The following DPYD variants were observed in gnomAD, a reference collection of about 807,000 sequenced individuals.
DPYD encodes dihydropyrimidine dehydrogenase [NADP(+)].
A neutral mutation model predicts 116.2 loss-of-function variants in DPYD; 109 were observed. The observed-to-expected ratio is 0.94, with a 90% CI of 0.80 to 1.10. The LOEUF (loss-of-function observed/expected upper bound fraction) is 1.10, where lower values mean the gene tolerates loss of function less well. Among genes scored for constraint, DPYD ranks in the 50% least tolerant of loss-of-function variants. DPYD has a pLI of 0.00. For synonymous variants in DPYD, 440 were observed against 432.0 expected, an observed-to-expected ratio of 1.02 and a Z score of -0.23; for missense variants, 1,302 against 1,254.5, an observed-to-expected ratio of 1.04 and a Z score of -0.57.
intron 21 of DPYD, among the ~76,000 whole-genome samples, chr1:97,091,643 T>C (rs1649904063): frequency 6.6e-6 from 1 of 152,166 alleles, no homozygotes; most frequent in Non-Finnish European, 1.5e-5. Context: ...GGGACTTGTA[T>C]AAAAATGACA....
chr1:97,595,228 A>G lies in DPYD; in HGVS notation c.851-62T>C, dbSNP rs534716897. Reference sequence around the variant, plus strand: ...GGAGGGGCTTTTCCTATTAGATATTAAAACAAAAAAGAAAACTTTAATCTT... The same window carrying G: ...GGAGGGGCTTTTCCTATTAGATATTGAAACAAAAAAGAAAACTTTAATCTT... On this transcript the variant is annotated intron_variant, in intron 8 of 22. Transcript: ENST00000370192. The G allele has an allele frequency of 5.2e-6, 7 of 1,345,560 alleles. No homozygotes were observed. The South Asian group carries it at 7.3e-5, about 14-fold the overall frequency. 83.4% of individuals were successfully genotyped at this position (1,345,560 alleles called of 1,614,324 possible).
intron 8 of DPYD, among the ~76,000 whole-genome samples, chr1:97,641,052 A>G (rs1265053973): frequency 6.6e-6 from 1 of 152,194 alleles, no homozygotes; most frequent in Admixed American, 6.6e-5. Context: ...TAGATGAAGG[A>G]TATGACTACC....
At chr1:97,169,037 G>A (rs1008019067) in intron 20 of DPYD, among the ~76,000 whole-genome samples, 2 of 151,792 alleles carry the variant, frequency 1.3e-5, no homozygotes, top group Admixed American at 6.6e-5. Flanking sequence ...TTGTAGAGAT[G>A]GGGTTTCACC....
intron 10 of DPYD, among the ~76,000 whole-genome samples, chr1:97,592,746 AC>A (rs904855889): frequency 8.5e-5 from 13 of 152,130 alleles, no homozygotes; most frequent in Non-Finnish European, 8.8e-5. Context: ...TATACATGAC[AC>A]CCTTTTCTTT....
At chr1:97,755,937 C>T (rs1053809790) in intron 3 of DPYD, among the ~76,000 whole-genome samples, 14 of 152,088 alleles carry the variant, frequency 9.2e-5, no homozygotes, top group Non-Finnish European at 1.9e-4. Flanking sequence ...GAAATGAGCA[C>T]TGTTTTTTAA....
At chr1:97,300,194 A>G (rs569900441) in intron 18 of DPYD, among the ~76,000 whole-genome samples, 4 of 152,238 alleles carry the variant, frequency 2.6e-5, no homozygotes, top group East Asian at 1.9e-4. Flanking sequence ...ACTTTTGTCC[A>G]TACAAAAAAA....
chr1:97,106,251 G>T (rs1031108422), intron 20 of DPYD, among the ~76,000 whole-genome samples: 2 of 152,122 alleles, frequency 1.3e-5, no homozygotes, highest in Non-Finnish European at 2.9e-5. Flanking sequence ...TTAAAAAAGG[G>T]TTCTATGGTG....
At chr1:97,194,283 G>A (rs887636317) in intron 19 of DPYD, among the ~76,000 whole-genome samples, 9 of 152,048 alleles carry the variant, frequency 5.9e-5, no homozygotes, top group Admixed American at 3.9e-4. Flanking sequence ...TGCTGTTCTC[G>A]TGATGATGAG....
At chr1:97,180,715 A>C (rs924067657) in intron 20 of DPYD, among the ~76,000 whole-genome samples, 2 of 152,196 alleles carry the variant, frequency 1.3e-5, no homozygotes, top group African/African-American at 4.8e-5. Context: ...ATATAATTAA[A>C]TAAGGTGCAT....
At chr1:97,804,338 T>C (rs1335532491) in intron 3 of DPYD, among the ~76,000 whole-genome samples, 5 of 151,678 alleles carry the variant, frequency 3.3e-5, no homozygotes, top group Non-Finnish European at 5.9e-5. Flanking sequence ...TTCTCAGAAA[T>C]AGACACGCTT....
intron 18 of DPYD, among the ~76,000 whole-genome samples, chr1:97,287,537 G>A (rs893912115): frequency 6.6e-6 from 1 of 152,178 alleles, no homozygotes; most frequent in Non-Finnish European, 1.5e-5. Context: ...CAGAGGTGGA[G>A]CCTACAGAGG....
intron 13 of DPYD, among the ~76,000 whole-genome samples, chr1:97,454,990 G>T (rs529138850): frequency 1.4e-4 from 21 of 151,894 alleles, no homozygotes; most frequent in African/African-American, 4.8e-4. Context: ...GCAAGTTCTA[G>T]AAAAATATAT....
chr1:97,439,807 C>G (rs902894335), intron 14 of DPYD, among the ~76,000 whole-genome samples: 5 of 151,656 alleles, frequency 3.3e-5, no homozygotes, highest in African/African-American at 1.2e-4. Context: ...AAATGTAGGT[C>G]ATTAACTTGA....
chr1:97,507,009 G>A (rs146049008), intron 13 of DPYD, among the ~76,000 whole-genome samples: 4 of 152,134 alleles, frequency 2.6e-5, no homozygotes, highest in African/African-American at 9.6e-5. Context: ...ACACACGAGT[G>A]TGCAAGCACA....
intron 12 of DPYD, among the ~76,000 whole-genome samples, chr1:97,527,578 A>C (rs1308441671): frequency 6.6e-6 from 1 of 152,172 alleles, no homozygotes; most frequent in Non-Finnish European, 1.5e-5. Context: ...AAAGAATAGA[A>C]ATAAAAATAC....
intron 5 of DPYD, 114 bp downstream of exon 5, chr1:97,721,396 G>T: frequency 1.6e-6 from 2 of 1,263,282 alleles, no homozygotes; most frequent in South Asian, 2.6e-5. Flanking sequence ...TACTTGAGCT[G>T]TGTGTCACAC....
intron 14 of DPYD, among the ~76,000 whole-genome samples, chr1:97,389,683 C>T (rs1354284239): frequency 6.6e-6 from 1 of 151,936 alleles, no homozygotes; most frequent in Non-Finnish European, 1.5e-5. Context: ...TTCATTTTGA[C>T]TAATTAATAC....
At chr1:97,180,255 TC>T (rs1347311614) in intron 20 of DPYD, among the ~76,000 whole-genome samples, 1 of 152,160 alleles carries the variant, frequency 6.6e-6, no homozygotes, top group African/African-American at 2.4e-5. Context: ...CTTTACATTA[TC>T]AAAATGACTC....
chr1:97,450,277 C>G (rs1358098857), intron 13 of DPYD, 54 bp from the exon 14 acceptor site: 1 of 1,588,916 alleles, frequency 6.3e-7, no homozygotes, highest in African/African-American at 1.3e-5. Context: ...AAGCTATAAT[C>G]TTTATTATCT....
Sources: gnomAD v4.1 joint callset for allele counts (sites outside exome capture counted in the v4.1 genomes callset) on GRCh38, gnomAD v4.1.1 for gene constraint, MANE v1.5 for transcripts, NCBI Gene and HGNC (gene_info 2026-07-23, HGNC 2026-07-21) for gene names.